The following OSBPL6 variants were observed in gnomAD, a reference collection of about 807,000 sequenced individuals.
OSBPL6 encodes the protein oxysterol binding protein like 6, also known as oxysterol-binding protein-related protein 6.
A neutral mutation model predicts 125.8 loss-of-function variants in OSBPL6; 49 were observed. That is an observed-to-expected ratio of 0.39 (90% CI 0.31 to 0.49). The LOEUF is 0.49. OSBPL6 is among the 20% of genes least tolerant of loss of function. The pLI, the probability that OSBPL6 is intolerant of heterozygous loss-of-function variation, is 0.88. For synonymous variants in OSBPL6, 394 were observed against 391.8 expected (o/e 1.01, Z -0.07); for missense variants, 986 against 1,135.4 (o/e 0.87, Z 1.89).
chr2:178,211,326 C>T (rs1229514836), intron 1 of OSBPL6, among the ~76,000 whole-genome samples: 1 of 152,188 alleles, frequency 6.6e-6, no homozygotes, highest in Admixed American at 6.5e-5. Flanking sequence ...TCCTGAACCA[C>T]TCAGTTAATC....
At chr2:178,210,922 A>G (rs907635139) in intron 1 of OSBPL6, among the ~76,000 whole-genome samples, 12 of 151,960 alleles carry the variant, frequency 7.9e-5, no homozygotes, top group African/African-American at 2.7e-4. Flanking sequence ...CAAGCTACTC[A>G]TTCTTGCCTT....
chr2:178,372,096 A>G, intron 13 of OSBPL6, 30 bp from the exon 14 acceptor site: 1 of 1,509,192 alleles, frequency 6.6e-7, no homozygotes, highest in Non-Finnish European at 9.2e-7. Flanking sequence ...ATTAATTTTA[A>G]ATTACATATG....
At chr2:178,360,371 G>A (rs950099051) in intron 12 of OSBPL6, among the ~76,000 whole-genome samples, 89 of 152,220 alleles carry the variant, frequency 5.8e-4, no homozygotes, top group African/African-American at 1.8e-3. Flanking sequence ...GCCACAGCGC[G>A]GTGGGGGGGC....
At chr2:178,258,204 G>A (rs34780417) in intron 1 of OSBPL6, among the ~76,000 whole-genome samples, 25,923 of 151,914 alleles carry the variant, frequency 0.17, 2,376 homozygotes, top group South Asian at 0.28. Context: ...CAATTCAAGC[G>A]CTTCTCCTGC....
chr2:178,287,889 C>A (rs528816087), intron 2 of OSBPL6, among the ~76,000 whole-genome samples: 2 of 151,686 alleles, frequency 1.3e-5, no homozygotes, highest in East Asian at 3.9e-4. Flanking sequence ...ACAACTAAGA[C>A]CGAAAAAATG....
chr2:178,355,790 A>ATCCCTG (rs1691726097), intron 12 of OSBPL6, among the ~76,000 whole-genome samples: 1 of 152,242 alleles, frequency 6.6e-6, no homozygotes, highest in East Asian at 1.9e-4. Context: ...ACAAAAAAAG[A>ATCCCTG]GAATTTTAGA....
At chr2:178,255,770 C>G (rs1408176558) in intron 1 of OSBPL6, among the ~76,000 whole-genome samples, 1 of 152,196 alleles carries the variant, frequency 6.6e-6, no homozygotes, top group Non-Finnish European at 1.5e-5. Context: ...CAGAATGATT[C>G]AATTCCAAAT....
At chr2:178,210,139 C>T (rs1057110938) in intron 1 of OSBPL6, among the ~76,000 whole-genome samples, 41 of 152,096 alleles carry the variant, frequency 2.7e-4, no homozygotes, top group Admixed American at 2.6e-4. Flanking sequence ...CCTGCCTCAG[C>T]GTCCTGAGTA....
chr2:178,214,256 C>T (rs2089991409), intron 1 of OSBPL6, among the ~76,000 whole-genome samples: 1 of 152,178 alleles, frequency 6.6e-6, no homozygotes, highest in Admixed American at 6.5e-5. Context: ...AGCCTGACTA[C>T]TTCCCACTCC....
chr2:178,232,260 A>G lies in OSBPL6; in HGVS notation c.-351+37586A>G, dbSNP rs76583404. 4.3e-3 allele frequency among the ~76,000 whole-genome samples: 658 copies of G among 152,302 alleles called. 14 individuals carry two copies. The East Asian group carries it at 0.071, about 16-fold the overall frequency. On this transcript the variant is annotated intron_variant, in intron 1 of 24. Coordinates refer to ENST00000190611, the MANE Select transcript of OSBPL6 (RefSeq NM_032523.4). ...TTTTAACTTTAAATTTAATATATCA[A>G]TTATTGCTTTTTTTCTTTTTTGACC...
chr2:178,356,272 C>G (rs562320492), intron 12 of OSBPL6, among the ~76,000 whole-genome samples: 19 of 152,166 alleles, frequency 1.2e-4, no homozygotes, highest in African/African-American at 4.3e-4. Context: ...AAAGGGTATT[C>G]AATTAGGAAA....
intron 1 of OSBPL6, among the ~76,000 whole-genome samples, chr2:178,245,423 G>A (rs1052621934): frequency 2.6e-5 from 4 of 152,214 alleles, no homozygotes; most frequent in Non-Finnish European, 5.9e-5. Flanking sequence ...CCAGGTTCAA[G>A]TATGATGTTT....
Position 178,395,900 on chromosome 2 carries a change from C to A in OSBPL6, c.*341C>A. 4.9e-6 allele frequency: 2 copies of A among 408,510 alleles called. No individual in the cohort carries two copies. Among genetic ancestry groups the A allele is most frequent in the Admixed American group, 3.5e-5 (1 of 28,490 alleles). The allele number at this position is 408,510 out of a possible 1,614,324, so 25.3% of individuals were successfully genotyped here. A position where few individuals can be genotyped will look rare whatever the true frequency, so the allele number is the denominator to read the frequency against. On this transcript the variant is annotated 3_prime_UTR_variant, in exon 25 of 25. Coordinates refer to ENST00000190611, the MANE Select transcript of OSBPL6 (RefSeq NM_032523.4). The stretch of plus-strand genomic sequence containing the variant: ...AACAAATGGTAACTGGTGCTTAAAG[C>A]TGATCAAGAAAGTTAACAACAACAT...
At position 178,383,175 on chromosome 2, in the gene OSBPL6, G is replaced by A. The variant is rs1386804847; in HGVS notation, c.1773G>A (p.Glu591=). The A allele has an allele frequency of 3.1e-6, 5 of 1,614,000 alleles. No individual in the cohort carries two copies. In the Admixed American group the frequency reaches 8.3e-5, roughly 27 times the overall value. ...KDLSKVSMPV[E]LNEPLNTLQH... is the part of the protein sequence containing the mutation. ...TGTCTAAAGTCTCTATGCCTGTGGAGCTAAACGAGCCGCTCAACACCCTGC... is the reference window on the plus strand; with the variant it reads ...TGTCTAAAGTCTCTATGCCTGTGGAACTAAACGAGCCGCTCAACACCCTGC... Residue 591 remains glutamate (E), a synonymous_variant, in exon 17 of 25, where the codon GAG becomes GAA. Transcript: ENST00000190611.
At chr2:178,384,592 G>A (rs953404267) in intron 18 of OSBPL6, among the ~76,000 whole-genome samples, 6 of 152,172 alleles carry the variant, frequency 3.9e-5, no homozygotes, top group Non-Finnish European at 8.8e-5. Context: ...CAATTTACAT[G>A]TGAGAGGGTG....
intron 3 of OSBPL6, among the ~76,000 whole-genome samples, chr2:178,310,085 T>G (rs1323855405): frequency 6.6e-6 from 1 of 152,204 alleles, no homozygotes; most frequent in Non-Finnish European, 1.5e-5. Flanking sequence ...AAGATTTGAT[T>G]GTTACAAATT....
chr2:178,392,496 A>T lies in OSBPL6; in HGVS notation c.2531A>T (p.Asp844Val). The change falls in exon 23 of 25, where the codon GAT (aspartate) becomes GTT (valine). Residue 844 changes from aspartate to valine, a missense_variant. Coordinates refer to ENST00000190611, the MANE Select transcript of OSBPL6 (RefSeq NM_032523.4). ...ELNELDPVLK[D>V]LLPPTDARFR... ...AATGAGTTAGATCCAGTACTAAAAG[A>T]TCTCCTTCCACCAACAGACGCCCGG... The T allele has an allele frequency of 3.1e-6, 5 of 1,614,084 alleles. No individual in the cohort carries two copies. Among genetic ancestry groups the T allele is most frequent in the Non-Finnish European group, 3.4e-6 (4 of 1,180,014 alleles).
chr2:178,321,770 T>G (rs1357034834), intron 3 of OSBPL6, among the ~76,000 whole-genome samples: 1 of 152,224 alleles, frequency 6.6e-6, no homozygotes, highest in East Asian at 1.9e-4. Flanking sequence ...AAATATTCAT[T>G]TACTTGCTAT....
intron 11 of OSBPL6, among the ~76,000 whole-genome samples, chr2:178,344,018 G>A (rs559265174): frequency 8.6e-5 from 13 of 151,922 alleles, no homozygotes; most frequent in Non-Finnish European, 1.5e-4. Flanking sequence ...CCTTAAAATC[G>A]CAGGCTGTCC....
Sources: allele counts gnomAD v4.1 joint callset (sites outside exome capture counted in the v4.1 genomes callset), GRCh38; gene constraint gnomAD v4.1.1; transcripts MANE v1.5; gene names NCBI Gene and HGNC (gene_info 2026-07-23, HGNC 2026-07-21).